Variants in SNX29 observed in about 807,000 individuals in gnomAD.
SNX29 encodes the protein sorting nexin 29, also known as sorting nexin-29.
SNX29 carries 78 observed loss-of-function variants against 102.1 expected under a neutral mutation model. The ratio of observed to expected loss-of-function variants is 0.76; its 90% CI spans 0.64 to 0.92. SNX29 has a LOEUF of 0.92. Among genes scored for constraint, SNX29 ranks in the 40% least tolerant of loss-of-function variants. The pLI is 0.00. For synonymous variants in SNX29, 580 were observed against 414.5 expected (o/e 1.40, Z -4.85); for missense variants, 1,280 against 1,061.7 (o/e 1.21, Z -2.86).
intron 20 of SNX29, among the ~76,000 whole-genome samples, chr16:12,542,669 G>A (rs1209240517): frequency 1.3e-5 from 2 of 152,110 alleles, no homozygotes; most frequent in East Asian, 3.9e-4. Context: ...AAGGCAGCGT[G>A]TTGGGAACAT....
intron 14 of SNX29, among the ~76,000 whole-genome samples, chr16:12,275,389 C>T (rs1363858914): frequency 6.6e-6 from 1 of 152,232 alleles, no homozygotes; most frequent in Admixed American, 6.5e-5. Context: ...AACCTCAACT[C>T]AGTCCAGACC....
chr16:12,127,095 C>T (rs2054245179), intron 12 of SNX29, among the ~76,000 whole-genome samples: 1 of 151,878 alleles, frequency 6.6e-6, no homozygotes, highest in Non-Finnish European at 1.5e-5. Context: ...CCCGTCTCTA[C>T]TAAAAATACA....
At chr16:12,078,421 G>T (rs1471767520) in intron 10 of SNX29, among the ~76,000 whole-genome samples, 2 of 152,110 alleles carry the variant, frequency 1.3e-5, no homozygotes, top group African/African-American at 4.8e-5. Context: ...GTTACAGTGA[G>T]CCGAGATCAC....
At chr16:12,554,125 G>GC (rs1435872296) in intron 20 of SNX29, among the ~76,000 whole-genome samples, 1 of 152,232 alleles carries the variant, frequency 6.6e-6, no homozygotes, top group Non-Finnish European at 1.5e-5. Context: ...ACCATGCCCA[G>GC]CCTGGATGCT....
chr16:12,515,464 T>C, intron 19 of SNX29: 4 of 481,882 alleles, frequency 8.3e-6, no homozygotes, highest in Non-Finnish European at 1.7e-5. Context: ...ATCAGTCAGC[T>C]CTGAAATAGA....
At chr16:12,042,240 A>G (rs1287841066) in intron 4 of SNX29, among the ~76,000 whole-genome samples, 1 of 152,176 alleles carries the variant, frequency 6.6e-6, no homozygotes, top group African/African-American at 2.4e-5. Flanking sequence ...TGTGTTGGCC[A>G]GGCTGGTCTT....
At position 12,535,683 on chromosome 16, in the gene SNX29, C is replaced by G. The variant is rs561966364; in HGVS notation, c.2318+10842C>G. ...CTTCAGGGCTGGGGCTTTCCAGGTC[C>G]TGCATTGTAACTGTGGGTCCTCTGT... On this transcript the variant is annotated intron_variant, in intron 20 of 20. Coordinates refer to ENST00000566228, the MANE Select transcript of SNX29 (RefSeq NM_032167.5). 4.6e-5 allele frequency among the ~76,000 whole-genome samples: 7 copies of G among 152,276 alleles called. No homozygotes were observed. In the South Asian group the frequency reaches 1.0e-3, roughly 23 times the overall value.
intron 14 of SNX29, among the ~76,000 whole-genome samples, chr16:12,230,954 C>T (rs1235021794): frequency 1.3e-5 from 2 of 152,098 alleles, no homozygotes; most frequent in African/African-American, 2.4e-5. Context: ...TCAAGCGATT[C>T]TCCTGCCTCA....
chr16:12,256,954 G>A (rs111379910), intron 14 of SNX29, among the ~76,000 whole-genome samples: 382 of 152,288 alleles, frequency 2.5e-3, no homozygotes, highest in African/African-American at 8.4e-3. Context: ...TTTTCTTTTG[G>A]TGTGGCAACA....
At chr16:12,512,618 G>C (rs2089681383) in intron 19 of SNX29, among the ~76,000 whole-genome samples, 1 of 147,652 alleles carries the variant, frequency 6.8e-6, no homozygotes, top group African/African-American at 2.4e-5. Flanking sequence ...ACTCGAGGGA[G>C]ACGAGCATCC....
chr16:12,140,646 C>A (rs1361331300), intron 13 of SNX29, among the ~76,000 whole-genome samples: 2 of 152,096 alleles, frequency 1.3e-5, no homozygotes, highest in Non-Finnish European at 2.9e-5. Context: ...TGCTGTCACT[C>A]TTGTGCCAGC....
chr16:12,264,928 A>T (rs1280428057), intron 14 of SNX29, among the ~76,000 whole-genome samples: 2 of 152,190 alleles, frequency 1.3e-5, no homozygotes, highest in African/African-American at 4.8e-5. Flanking sequence ...ACTCTCACCA[A>T]AATAGAACCA....
intron 8 of SNX29, 50 bp from the exon 9 acceptor site, chr16:12,061,478 C>G (rs777935970): frequency 6.8e-7 from 1 of 1,464,222 alleles, no homozygotes; most frequent in African/African-American, 1.4e-5. Flanking sequence ...GTGAGTCATG[C>G]GGCCTGTGGG....
chr16:12,545,500 C>A (rs753884299), intron 20 of SNX29: 1 of 152,222 alleles, frequency 6.6e-6, no homozygotes, highest in African/African-American at 2.4e-5. Flanking sequence ...GTGGCAAGAC[C>A]GTGTGTCCTG....
chr16:12,531,919 C>A (rs1244973257), intron 20 of SNX29, among the ~76,000 whole-genome samples: 2 of 152,190 alleles, frequency 1.3e-5, no homozygotes, highest in African/African-American at 4.8e-5. Flanking sequence ...ACAAGAAAAA[C>A]CAGTCAAGAG....
intron 14 of SNX29, among the ~76,000 whole-genome samples, chr16:12,214,902 G>A (rs1161847140): frequency 2.0e-5 from 3 of 152,136 alleles, no homozygotes; most frequent in Admixed American, 6.5e-5. Flanking sequence ...TATTTCTGTG[G>A]TGACAGATTC....
At chr16:12,228,145 CAG>C (rs1194396905) in intron 14 of SNX29, among the ~76,000 whole-genome samples, 1 of 152,186 alleles carries the variant, frequency 6.6e-6, no homozygotes, top group Non-Finnish European at 1.5e-5. Context: ...CTTACCGTCT[CAG>C]AGTCTGCACT....
intron 18 of SNX29, among the ~76,000 whole-genome samples, chr16:12,437,087 A>G (rs1291593746): frequency 1.3e-5 from 2 of 152,276 alleles, no homozygotes; most frequent in Non-Finnish European, 2.9e-5. Flanking sequence ...CCAGCTTAGA[A>G]TGAGAGACAG....
At chr16:12,448,839 T>C (rs773312548) in intron 18 of SNX29, among the ~76,000 whole-genome samples, 3 of 152,172 alleles carry the variant, frequency 2.0e-5, no homozygotes, top group Non-Finnish European at 4.4e-5. Context: ...GCTCTACCCA[T>C]TTTCTTCTAA....
Sources: allele counts gnomAD v4.1 joint callset (sites outside exome capture counted in the v4.1 genomes callset), GRCh38; gene constraint gnomAD v4.1.1; transcripts MANE v1.5; gene names NCBI Gene and HGNC (gene_info 2026-07-23, HGNC 2026-07-21).